The following MEIS1 variants were observed in gnomAD, a reference collection of about 807,000 sequenced individuals.
The protein encoded by MEIS1 is Meis homeobox 1.
In MEIS1, 5 loss-of-function variants were observed where a neutral mutation model predicts 50.8. The observed-to-expected ratio is 0.10, with a 90% confidence interval of 0.05 to 0.21. MEIS1 has a LOEUF of 0.21. MEIS1 is among the 10% of genes least tolerant of loss of function. The probability of loss-of-function intolerance (pLI) is 1.00; values close to 1 mark genes in which losing one functional copy is unlikely to be tolerated. For missense variants in MEIS1, 318 were observed against 517.3 expected (o/e 0.61, Z 3.74); for synonymous variants, 176 against 179.3 (o/e 0.98, Z 0.15).
intron 9 of MEIS1, among the ~76,000 whole-genome samples, chr2:66,550,098 T>C (rs1674883698): frequency 6.6e-6 from 1 of 152,214 alleles, no homozygotes; most frequent in African/African-American, 2.4e-5. Context: ...AATTTTAAAG[T>C]ATATGCAGAC....
At chr2:66,557,688 G>A (rs1211494068) in intron 9 of MEIS1, among the ~76,000 whole-genome samples, 1 of 152,114 alleles carries the variant, frequency 6.6e-6, no homozygotes, top group African/African-American at 2.4e-5. Flanking sequence ...ATTTATCAGT[G>A]GATGGGCATT....
At chr2:66,567,104 A>C (rs1394558565) in intron 9 of MEIS1, among the ~76,000 whole-genome samples, 1 of 152,164 alleles carries the variant, frequency 6.6e-6, no homozygotes, top group Non-Finnish European at 1.5e-5. Flanking sequence ...TGAGCATCTA[A>C]CTCTTTACAC....
intron 7 of MEIS1, among the ~76,000 whole-genome samples, chr2:66,508,199 T>C (rs1468487087): frequency 6.6e-6 from 1 of 152,212 alleles, no homozygotes; most frequent in African/African-American, 2.4e-5. Context: ...CTTGTTGCTG[T>C]GCAGAGTTCC....
At chr2:66,522,565 G>A (rs148492706) in intron 8 of MEIS1, among the ~76,000 whole-genome samples, 19 of 152,244 alleles carry the variant, frequency 1.2e-4, no homozygotes, top group South Asian at 6.2e-4. Flanking sequence ...TGGTGTTTTC[G>A]TGTTTAATTG....
intron 6 of MEIS1, among the ~76,000 whole-genome samples, chr2:66,446,059 C>A (rs2103699144): frequency 6.6e-6 from 1 of 152,228 alleles, no homozygotes. Flanking sequence ...GCGAGGGGCG[C>A]CAGGGGCTTC....
intron 7 of MEIS1, among the ~76,000 whole-genome samples, chr2:66,492,739 A>G (rs1158784617): frequency 6.6e-6 from 1 of 152,198 alleles, no homozygotes. Flanking sequence ...GGTATTCCAC[A>G]TGGGTGCTAG....
chr2:66,499,738 A>G (rs538546557), intron 7 of MEIS1, among the ~76,000 whole-genome samples: 44 of 150,960 alleles, frequency 2.9e-4, no homozygotes, highest in African/African-American at 1.0e-3. Context: ...CAGACATGTT[A>G]TCCTGGTGTG....
intron 7 of MEIS1, among the ~76,000 whole-genome samples, chr2:66,481,520 T>C (rs1673015554): frequency 6.6e-6 from 1 of 152,208 alleles, no homozygotes; most frequent in Non-Finnish European, 1.5e-5. Context: ...CTGCCATTCT[T>C]TTGGTTTGTG....
At chr2:66,515,409 A>C (rs566116483) in intron 8 of MEIS1, among the ~76,000 whole-genome samples, 8 of 152,260 alleles carry the variant, frequency 5.3e-5, no homozygotes, top group African/African-American at 1.7e-4. Context: ...AAAAACCAAA[A>C]CAAAACAAAA....
At chr2:66,545,172 A>G (rs536083329) in intron 8 of MEIS1, among the ~76,000 whole-genome samples, 1 of 152,204 alleles carries the variant, frequency 6.6e-6, no homozygotes, top group African/African-American at 2.4e-5. Flanking sequence ...AGACAGGGCA[A>G]AAGGTTTTGC....
intron 8 of MEIS1, among the ~76,000 whole-genome samples, chr2:66,515,959 A>G (rs753431478): frequency 1.2e-4 from 18 of 152,182 alleles, no homozygotes; most frequent in African/African-American, 4.1e-4. Flanking sequence ...TCTTGAAGGC[A>G]TTATTCCAAC....
intron 7 of MEIS1, among the ~76,000 whole-genome samples, chr2:66,486,840 T>C (rs1673155365): frequency 6.6e-6 from 1 of 152,184 alleles, no homozygotes. Flanking sequence ...TATTTCTAGG[T>C]ATTTTATTCT....
intron 7 of MEIS1, among the ~76,000 whole-genome samples, chr2:66,495,828 A>G (rs1673388860): frequency 6.6e-6 from 1 of 152,208 alleles, no homozygotes; most frequent in African/African-American, 2.4e-5. Flanking sequence ...GCCGCTGTGC[A>G]GGCAGCTGGG....
rs2103982548 is a variant in MEIS1, at chr2:66,572,196, G to A, written c.*988G>A. Reference sequence around the variant, plus strand: ...AGTGTCTTAAGGAGACTGGTAGGAGGAGGCATGGAAACCAAAAGGCCGTGT... The same window carrying A: ...AGTGTCTTAAGGAGACTGGTAGGAGAAGGCATGGAAACCAAAAGGCCGTGT... On this transcript the variant is annotated 3_prime_UTR_variant, in exon 13 of 13. Transcript: ENST00000272369. 1 of 152,384 alleles carries A rather than the reference G, an allele frequency of 6.6e-6. No individual in the cohort carries two copies. The highest frequency in any genetic ancestry group is 1.5e-5 in the Non-Finnish European group (1 of 68,098). The allele number at this position is 152,384 out of a possible 1,614,324, so 9.4% of individuals were successfully genotyped here.
chr2:66,548,903 A>T (rs1674853503), intron 9 of MEIS1, among the ~76,000 whole-genome samples: 1 of 152,214 alleles, frequency 6.6e-6, no homozygotes, highest in Non-Finnish European at 1.5e-5. Flanking sequence ...GAAGGGGAGA[A>T]CTAGGAATGC....
At chr2:66,511,672 A>C (rs1434999490) in intron 7 of MEIS1, among the ~76,000 whole-genome samples, 1 of 152,180 alleles carries the variant, frequency 6.6e-6, no homozygotes, top group African/African-American at 2.4e-5. Context: ...TCCCCATCCT[A>C]GTTTAACTAG....
chr2:66,452,127 T>C (rs112408257), intron 6 of MEIS1, among the ~76,000 whole-genome samples: 2,779 of 152,014 alleles, frequency 0.018, 55 homozygotes, highest in South Asian at 0.053. Flanking sequence ...TTGGGTTTAG[T>C]TGCAACATTT....
chr2:66,521,616 A>C (rs1674123652), intron 8 of MEIS1, among the ~76,000 whole-genome samples: 1 of 152,236 alleles, frequency 6.6e-6, no homozygotes, highest in Non-Finnish European at 1.5e-5. Context: ...ATGTAATTTT[A>C]GTAATGTTTC....
chr2:66,452,961 T>C (rs1399085988), intron 6 of MEIS1, among the ~76,000 whole-genome samples: 1 of 151,992 alleles, frequency 6.6e-6, no homozygotes, highest in Admixed American at 6.6e-5. Context: ...AATTTTTTTA[T>C]TCTAATAATT....
Sources: gnomAD v4.1 joint callset for allele counts (sites outside exome capture counted in the v4.1 genomes callset) on GRCh38, gnomAD v4.1.1 for gene constraint, MANE v1.5 for transcripts, NCBI Gene and HGNC (gene_info 2026-07-23, HGNC 2026-07-21) for gene names.